AAMDC: variants seen among roughly 807,000 people sequenced by gnomAD.
AAMDC encodes the protein mth938 domain-containing protein.
Under a neutral mutation model 15.5 loss-of-function variants are expected in AAMDC, and 16 were observed. That is an observed-to-expected ratio of 1.03 (90% CI 0.70 to 1.57). The LOEUF (loss-of-function observed/expected upper bound fraction) is 1.57. Ranked by LOEUF, AAMDC falls within the 40% of genes most tolerant of loss-of-function variation. The pLI, the probability that AAMDC is intolerant of heterozygous loss-of-function variation, is 0.00. For missense variants in AAMDC, 141 were observed against 144.9 expected (o/e 0.97, Z 0.14); for synonymous variants, 51 against 51.6 (o/e 0.99, Z 0.05).
intron 1 of AAMDC, among the ~76,000 whole-genome samples, chr11:77,841,477 G>C (rs1310843510): frequency 6.6e-6 from 1 of 152,146 alleles, no homozygotes; most frequent in Non-Finnish European, 1.5e-5. Context: ...CAAACACCTT[G>C]AGGCAGTAAG....
chr11:77,871,744 T>A (rs1951440982), intron 3 of AAMDC, among the ~76,000 whole-genome samples: 1 of 152,242 alleles, frequency 6.6e-6, no homozygotes, highest in African/African-American at 2.4e-5. Flanking sequence ...AACTCAAACA[T>A]TTAACATTTA....
At chr11:77,850,676 AATAAT>A (rs1443298889) in intron 2 of AAMDC, 1 of 152,192 alleles carries the variant, frequency 6.6e-6, no homozygotes, top group African/African-American at 2.4e-5. Flanking sequence ...TAGTTATGTG[AATAAT>A]ATAATACATT....
downstream of AAMDC, among the ~76,000 whole-genome samples, chr11:77,905,302 C>G (rs1952912234): frequency 6.6e-6 from 1 of 151,956 alleles, no homozygotes; most frequent in Admixed American, 6.6e-5. Context: ...ACTAAAAATA[C>G]AAAAATTAGC....
intron 1 of AAMDC, among the ~76,000 whole-genome samples, chr11:77,825,847 A>G (rs935068623): frequency 1.1e-4 from 17 of 152,102 alleles, no homozygotes; most frequent in Non-Finnish European, 2.5e-4. Flanking sequence ...AAGTGCCACT[A>G]CATCCGGCTA....
intron 5 of AAMDC, among the ~76,000 whole-genome samples, chr11:77,890,264 C>T (rs1303939572): frequency 1.3e-5 from 2 of 152,196 alleles, no homozygotes; most frequent in South Asian, 4.1e-4. Context: ...AGCCAGAAGG[C>T]CTGTTCCTCT....
intron 1 of AAMDC, among the ~76,000 whole-genome samples, chr11:77,839,244 T>C (rs1029543616): frequency 3.9e-5 from 6 of 152,280 alleles, no homozygotes; most frequent in South Asian, 2.1e-4. Flanking sequence ...GCTCAAGTGA[T>C]CCTCCTGCCT....
At chr11:77,851,568 TG>T (rs892798186) in intron 2 of AAMDC, 2 of 152,148 alleles carry the variant, frequency 1.3e-5, no homozygotes, top group African/African-American at 4.8e-5. Flanking sequence ...TGGGGCTTGG[TG>T]GGAGGTAATT....
At chr11:77,846,226 G>C (rs910695992) in intron 2 of AAMDC, among the ~76,000 whole-genome samples, 5 of 152,110 alleles carry the variant, frequency 3.3e-5, no homozygotes, top group African/African-American at 9.7e-5. Flanking sequence ...TACATTGCTG[G>C]AATCAGATGT....
At chr11:77,825,015 C>CT (rs1176110641) in intron 1 of AAMDC, among the ~76,000 whole-genome samples, 1 of 152,128 alleles carries the variant, frequency 6.6e-6, no homozygotes, top group African/African-American at 2.4e-5. Flanking sequence ...GAGTCTCACT[C>CT]TATCACCCAG....
At chr11:77,852,420 T>C (rs1387646464) in intron 2 of AAMDC, among the ~76,000 whole-genome samples, 1 of 152,038 alleles carries the variant, frequency 6.6e-6, no homozygotes, top group East Asian at 1.9e-4. Flanking sequence ...ATGTAAAATA[T>C]TTACATGATT....
intron 3 of AAMDC, 126 bp from the exon 4 acceptor site, chr11:77,872,048 AC>A (rs1425475665): frequency 2.8e-6 from 3 of 1,083,508 alleles, no homozygotes; most frequent in Non-Finnish European, 3.8e-6. Flanking sequence ...GACTGGTGAT[AC>A]ACTGAGTGAT....
intron 1 of AAMDC, among the ~76,000 whole-genome samples, chr11:77,833,284 A>G (rs916148634): frequency 6.6e-6 from 1 of 151,986 alleles, no homozygotes; most frequent in African/African-American, 2.4e-5. Flanking sequence ...AACTGACCAT[A>G]ATACAGAATC....
chr11:77,841,166 A>T (rs891371355), intron 1 of AAMDC: 3 of 701,290 alleles, frequency 4.3e-6, no homozygotes, highest in Non-Finnish European at 7.8e-6. Context: ...CTACTCCTGC[A>T]ATAACAGCAT....
chr11:77,892,985 C>T (rs1173291579), intron 5 of AAMDC, among the ~76,000 whole-genome samples: 4 of 152,214 alleles, frequency 2.6e-5, no homozygotes, highest in Non-Finnish European at 4.4e-5. Context: ...AAGAAGCTAT[C>T]ATCACCCCAG....
chr11:77,870,637 T>C (rs1315076753), intron 3 of AAMDC, among the ~76,000 whole-genome samples: 1 of 152,138 alleles, frequency 6.6e-6, no homozygotes, highest in Non-Finnish European at 1.5e-5. Flanking sequence ...ATGCCTGGCT[T>C]ATTTTTTAAT....
chr11:77,865,478 C>T (rs1377919012), intron 2 of AAMDC, among the ~76,000 whole-genome samples: 1 of 152,184 alleles, frequency 6.6e-6, no homozygotes, highest in Non-Finnish European at 1.5e-5. Flanking sequence ...AGAAGAAAAG[C>T]TCATGCCAAA....
chr11:77,860,301 C>T (rs1821370565), intron 2 of AAMDC, among the ~76,000 whole-genome samples: 1 of 152,194 alleles, frequency 6.6e-6, no homozygotes, highest in Non-Finnish European at 1.5e-5. Flanking sequence ...GCTATTTCAC[C>T]ATACCTGGGA....
chr11:77,842,697 A>G, intron 2 of AAMDC, 69 bp downstream of exon 2: 1 of 1,578,474 alleles, frequency 6.3e-7, no homozygotes, highest in South Asian at 1.2e-5. Context: ...CTAAGCTGCA[A>G]TGACTAAGTG....
downstream of AAMDC, chr11:77,901,604 G>A: frequency 7.3e-7 from 1 of 1,362,332 alleles, no homozygotes; most frequent in South Asian, 1.2e-5. Context: ...TCTTACTTGA[G>A]AGCAGCATAG....
Sources: allele counts gnomAD v4.1 joint callset (sites outside exome capture counted in the v4.1 genomes callset), GRCh38; gene constraint gnomAD v4.1.1; transcripts MANE v1.5; gene names NCBI Gene and HGNC (gene_info 2026-07-23, HGNC 2026-07-21).